ADCY1: variants seen among roughly 807,000 people sequenced by gnomAD.
ADCY1 encodes adenylate cyclase type 1.
A neutral mutation model predicts 105.4 loss-of-function variants in ADCY1; 28 were observed. The ratio of observed to expected loss-of-function variants is 0.27; its 90% CI spans 0.20 to 0.36. The LOEUF (loss-of-function observed/expected upper bound fraction) is 0.36, where lower values mean the gene tolerates loss of function less well. Among genes scored for constraint, ADCY1 ranks in the 10% least tolerant of loss-of-function variants. The pLI is 1.00. For missense variants in ADCY1, 977 were observed against 1,434.2 expected, an observed-to-expected ratio of 0.68 and a Z score of 5.15; for synonymous variants, 655 against 623.8, an observed-to-expected ratio of 1.05 and a Z score of -0.75.
intron 2 of ADCY1, among the ~76,000 whole-genome samples, chr7:45,596,634 A>G (rs1793081174): frequency 6.6e-6 from 1 of 152,216 alleles, no homozygotes; most frequent in South Asian, 2.1e-4. Flanking sequence ...GGGCACGTCC[A>G]GAGGGACCAG....
intron 3 of ADCY1, among the ~76,000 whole-genome samples, chr7:45,610,861 GAGATGATGGTGGAGGTGGGA>G (rs1584268509): frequency 7.7e-6 from 1 of 130,302 alleles, no homozygotes; most frequent in Non-Finnish European, 1.7e-5. Context: ...TGGAGTTGTG[GAGATGATGGTGGAGGTGGGA>G]AGGTGATGGT....
intron 3 of ADCY1, among the ~76,000 whole-genome samples, chr7:45,613,365 T>G (rs980402774): frequency 6.6e-6 from 1 of 151,906 alleles, no homozygotes; most frequent in Non-Finnish European, 1.5e-5. Context: ...GGAAGACAAG[T>G]CACTGCAGTC....
rs192335877 is a variant in ADCY1 at position 45,662,782 on chromosome 7, G to A, written c.1605+568G>A. 1.7e-3 allele frequency among the ~76,000 whole-genome samples: 252 copies of A among 152,184 alleles called. 1 individual carries two copies. The highest frequency in any genetic ancestry group is 5.5e-3 in the African/African-American group (227 of 41,510). Reference sequence around the variant, plus strand: ...CAGCAGTCTCCACCTCTGACCCCTCGCCCGCAGTGCCTGATTCCCCACCCC... The same window carrying A: ...CAGCAGTCTCCACCTCTGACCCCTCACCCGCAGTGCCTGATTCCCCACCCC... On this transcript the variant is annotated intron_variant, in intron 8 of 19. Coordinates refer to ENST00000297323, the MANE Select transcript of ADCY1 (RefSeq NM_021116.4).
chr7:45,590,876 A>G (rs1252744145), intron 1 of ADCY1, among the ~76,000 whole-genome samples: 8 of 152,066 alleles, frequency 5.3e-5, no homozygotes, highest in African/African-American at 1.7e-4. Context: ...TGCCTTTGCC[A>G]GTGTGTGGTG....
intron 11 of ADCY1, among the ~76,000 whole-genome samples, chr7:45,682,662 T>G (rs1371340190): frequency 6.6e-6 from 1 of 152,152 alleles, no homozygotes; most frequent in African/African-American, 2.4e-5. Flanking sequence ...ATCCTCCTTC[T>G]CGCCGTCCTA....
At chr7:45,640,393 T>C (rs142123756) in intron 4 of ADCY1, among the ~76,000 whole-genome samples, 227 of 152,348 alleles carry the variant, frequency 1.5e-3, no homozygotes, top group African/African-American at 5.1e-3. Flanking sequence ...AATTGATACA[T>C]GGTAGTTATA....
intron 1 of ADCY1, among the ~76,000 whole-genome samples, chr7:45,582,642 A>T (rs1242304965): frequency 1.3e-5 from 2 of 152,048 alleles, no homozygotes; most frequent in Non-Finnish European, 2.9e-5. Flanking sequence ...TCTCCCTCCC[A>T]GTGTTTCTCC....
At chr7:45,648,931 CTGCAGAGAAT>C (rs1268445825) in intron 5 of ADCY1, 134 bp downstream of exon 5, 1 of 1,086,704 alleles carries the variant, frequency 9.2e-7, no homozygotes, top group East Asian at 2.6e-5. Flanking sequence ...CTGTCTGAGG[CTGCAGAGAAT>C]GATGCCAGCA....
chr7:45,598,751 G>C (rs1029883204), intron 2 of ADCY1, among the ~76,000 whole-genome samples: 6 of 152,208 alleles, frequency 3.9e-5, no homozygotes, highest in Admixed American at 6.5e-5. Context: ...TTACAGATGA[G>C]TTAGACAGAA....
At chr7:45,594,251 A>T (rs1367053576) in intron 2 of ADCY1, among the ~76,000 whole-genome samples, 2 of 152,118 alleles carry the variant, frequency 1.3e-5, no homozygotes, top group East Asian at 3.8e-4. Context: ...ATGTGTGTGC[A>T]TGAATGTGTC....
At chr7:45,586,352 C>G (rs1251209406) in intron 1 of ADCY1, among the ~76,000 whole-genome samples, 1 of 152,114 alleles carries the variant, frequency 6.6e-6, no homozygotes, top group African/African-American at 2.4e-5. Flanking sequence ...CATAGCTTCA[C>G]GCATTAGAAA....
intron 3 of ADCY1, 100 bp from the exon 4 acceptor site, chr7:45,622,532 G>T: frequency 1.2e-6 from 1 of 829,808 alleles, no homozygotes; most frequent in Non-Finnish European, 2.0e-6. Flanking sequence ...TGGGGTGATT[G>T]ATTCTACAGT....
intron 10 of ADCY1, among the ~76,000 whole-genome samples, chr7:45,678,714 C>CAAAAAAA: frequency 1.0e-5 from 1 of 96,456 alleles, no homozygotes; most frequent in South Asian, 3.6e-4. Context: ...ACTCTATCTA[C>CAAAAAAA]AAAAAAAAAA....
At chr7:45,665,547 C>T (rs1784216590) in intron 8 of ADCY1, among the ~76,000 whole-genome samples, 1 of 152,268 alleles carries the variant, frequency 6.6e-6, no homozygotes, top group Non-Finnish European at 1.5e-5. Flanking sequence ...TCTCTTCACA[C>T]TTAAATATTT....
At chr7:45,610,860 G>T (rs1479742768) in intron 3 of ADCY1, among the ~76,000 whole-genome samples, 15 of 27,750 alleles carry the variant, frequency 5.4e-4, no homozygotes, top group East Asian at 1.3e-3. Flanking sequence ...TTGGAGTTGT[G>T]GAGATGATGG....
At chr7:45,607,093 G>A (rs988084262) in intron 2 of ADCY1, among the ~76,000 whole-genome samples, 2 of 152,094 alleles carry the variant, frequency 1.3e-5, no homozygotes, top group Admixed American at 1.3e-4. Flanking sequence ...TTAGTCTGTG[G>A]TTATTAACTT....
At chr7:45,580,211 C>T (rs1208064244) in intron 1 of ADCY1, among the ~76,000 whole-genome samples, 2 of 152,312 alleles carry the variant, frequency 1.3e-5, no homozygotes, top group East Asian at 1.9e-4. Context: ...GTCCAGTGGG[C>T]CCAGGGGCTT....
intron 17 of ADCY1, among the ~76,000 whole-genome samples, chr7:45,706,586 C>T (rs1785125796): frequency 6.7e-6 from 1 of 149,228 alleles, no homozygotes. Context: ...ATGTAAAATG[C>T]AAAACTACAA....
At chr7:45,689,161 C>T (rs1411567376) in intron 14 of ADCY1, among the ~76,000 whole-genome samples, 1 of 151,740 alleles carries the variant, frequency 6.6e-6, no homozygotes, top group East Asian at 1.9e-4. Flanking sequence ...GAACCCTCGC[C>T]CTTTGGCCTC....
Sources: allele counts gnomAD v4.1 joint callset (sites outside exome capture counted in the v4.1 genomes callset), GRCh38; gene constraint gnomAD v4.1.1; transcripts MANE v1.5; gene names NCBI Gene and HGNC (gene_info 2026-07-23, HGNC 2026-07-21).